The following SDK1 variants were observed in gnomAD, a reference collection of about 807,000 sequenced individuals.
The protein encoded by SDK1 is protein sidekick-1.
SDK1 carries 157 observed loss-of-function variants against 245.5 expected under a neutral mutation model. The ratio of observed to expected loss-of-function variants is 0.64; its 90% CI spans 0.56 to 0.73. SDK1 has a LOEUF of 0.73. SDK1 is among the 30% of genes least tolerant of loss of function. The pLI, the probability that SDK1 is intolerant of heterozygous loss-of-function variation, is 0.00. For synonymous variants in SDK1, 1,647 were observed against 1,278.5 expected (o/e 1.29, Z -6.15); for missense variants, 3,583 against 3,002.3 (o/e 1.19, Z -4.52).
intron 30 of SDK1, among the ~76,000 whole-genome samples, chr7:4,150,582 C>T (rs1340035724): frequency 6.6e-6 from 1 of 152,228 alleles, no homozygotes; most frequent in South Asian, 2.1e-4. Context: ...GCCTCCGTGG[C>T]GCCCAGCCAT....
intron 5 of SDK1, among the ~76,000 whole-genome samples, chr7:3,937,514 A>G (rs541577088): frequency 1.3e-5 from 2 of 152,312 alleles, no homozygotes; most frequent in East Asian, 3.9e-4. Context: ...TGTGGACATT[A>G]AAAACAAAAT....
intron 1 of SDK1, among the ~76,000 whole-genome samples, chr7:3,612,366 C>T (rs1258108219): frequency 6.6e-6 from 1 of 152,136 alleles, no homozygotes; most frequent in African/African-American, 2.4e-5. Context: ...CCCAGAAGTA[C>T]ATTTGAAAAT....
intron 4 of SDK1, among the ~76,000 whole-genome samples, chr7:3,659,445 C>T (rs568550650): frequency 3.8e-4 from 58 of 152,268 alleles, no homozygotes; most frequent in Admixed American, 3.6e-3. Context: ...AAGGAGCCAG[C>T]GACTTGAAGA....
In SDK1 at chr7:3,967,451, G is replaced by A; in HGVS notation, c.1546+17G>A. ...GGAAAAGAGGTGGGTAGCATCCACT[G>A]CCCACAACAGCATGGCCCATGTAGA... On this transcript the variant is annotated intron_variant, in intron 10 of 44. Transcript: ENST00000404826. 1 of 1,445,230 alleles carries A rather than the reference G, an allele frequency of 6.9e-7. No individual in the cohort carries two copies. Among genetic ancestry groups the A allele is most frequent in the Non-Finnish European group, 9.7e-7 (1 of 1,025,750 alleles). 89.5% of individuals were successfully genotyped at this position (1,445,230 alleles called of 1,614,324 possible).
chr7:3,928,117 G>T (rs1779841319), intron 5 of SDK1, among the ~76,000 whole-genome samples: 1 of 152,078 alleles, frequency 6.6e-6, no homozygotes, highest in Non-Finnish European at 1.5e-5. Context: ...AGCATTAATA[G>T]CAATTAATGA....
chr7:4,183,422 T>A (rs1343524208), intron 35 of SDK1, among the ~76,000 whole-genome samples: 2 of 151,770 alleles, frequency 1.3e-5, no homozygotes, highest in African/African-American at 4.8e-5. Flanking sequence ...GATCGCGAAG[T>A]CAGGAGTTCA....
At chr7:3,442,437 A>T (rs1462931797) in intron 1 of SDK1, among the ~76,000 whole-genome samples, 3 of 152,180 alleles carry the variant, frequency 2.0e-5, no homozygotes, top group African/African-American at 7.2e-5. Flanking sequence ...ACCCTTTCTG[A>T]AAGACAGTTC....
At chr7:3,830,065 C>G (rs1275812357) in intron 5 of SDK1, among the ~76,000 whole-genome samples, 1 of 152,038 alleles carries the variant, frequency 6.6e-6, no homozygotes, top group Non-Finnish European at 1.5e-5. Context: ...ATGATCTGTC[C>G]CAGTGGATTT....
chr7:4,051,744 C>T lies in SDK1; in HGVS notation c.2825C>T (p.Thr942Ile). 6.2e-7 allele frequency: 1 copy of T among 1,614,056 alleles called. No homozygotes were observed. Among genetic ancestry groups the T allele is most frequent in the South Asian group, 1.1e-5 (1 of 91,060 alleles). ...CACATAACGAACCTGAAGAAGTTTA[C>T]CGCCTACTTCACTTCCGTTCTGTGC... ...HGHITNLKKF[T>I]AYFTSVLCFT... Residue 942 changes from threonine to isoleucine, a missense_variant, in exon 19 of 45, where the codon ACC becomes ATC. Physicochemically the swap from Thr to Ile is moderately conservative, Grantham distance 89. Transcript: ENST00000404826.
intron 1 of SDK1, among the ~76,000 whole-genome samples, chr7:3,306,491 C>A (rs10951153): frequency 0.76 from 116,262 of 152,106 alleles, 44,902 homozygotes; most frequent in African/African-American, 0.87. Context: ...AGTCCTTTAA[C>A]TAAAGGAGGT....
At chr7:3,642,182 C>G in intron 4 of SDK1, 77 bp downstream of exon 4, 1 of 1,372,542 alleles carries the variant, frequency 7.3e-7, no homozygotes, top group Non-Finnish European at 1.0e-6. Flanking sequence ...AGTAAGTGTA[C>G]CAATTAAGGT....
intron 4 of SDK1, among the ~76,000 whole-genome samples, chr7:3,814,557 G>C (rs931540005): frequency 1.3e-5 from 2 of 151,680 alleles, no homozygotes; most frequent in Non-Finnish European, 1.5e-5. Context: ...GATGCCTCCA[G>C]CTTTGTTCTT....
intron 40 of SDK1, among the ~76,000 whole-genome samples, chr7:4,231,216 G>A (rs571746090): frequency 6.6e-6 from 1 of 152,270 alleles, no homozygotes; most frequent in South Asian, 2.1e-4. Flanking sequence ...TTGCCATTCT[G>A]ACATTATTAG....
At position 4,072,489 on chromosome 7, in the gene SDK1, A is replaced by G. The variant is rs574165203; in HGVS notation, c.3011-4509A>G. Among the ~76,000 whole-genome samples, 6 of 152,298 alleles carry G rather than the reference A, an allele frequency of 3.9e-5. No homozygotes were observed. In the East Asian group the frequency reaches 1.2e-3, roughly 29 times the overall value. On this transcript the variant is annotated intron_variant, in intron 20 of 44. Transcript: ENST00000404826. ...CCAGCATCACCCTGTGCCCCCAGTG[A>G]TGCCCGCATCAGGGGAGCTCCCCCC... is the stretch of plus-strand genomic sequence containing the variant.
At chr7:3,586,867 G>C (rs1344718762) in intron 1 of SDK1, among the ~76,000 whole-genome samples, 1 of 152,222 alleles carries the variant, frequency 6.6e-6, no homozygotes, top group Non-Finnish European at 1.5e-5. Context: ...CTTGAGCAGG[G>C]AGGTGACATG....
At chr7:3,796,914 A>T (rs1778974130) in intron 4 of SDK1, among the ~76,000 whole-genome samples, 1 of 152,246 alleles carries the variant, frequency 6.6e-6, no homozygotes, top group South Asian at 2.1e-4. Flanking sequence ...TGTAGCAATT[A>T]GATATATACT....
chr7:3,672,759 TTATATATA>T (rs60760676), intron 4 of SDK1, among the ~76,000 whole-genome samples: 81 of 50,754 alleles, frequency 1.6e-3, no homozygotes, highest in African/African-American at 5.8e-3. Context: ...ATATATAATT[TTATATATA>T]TATATATATA....
At position 4,150,671 on chromosome 7, in the gene SDK1, C is replaced by A. The variant is rs549780976; in HGVS notation, c.4625+1208C>A. Among the ~76,000 whole-genome samples the A allele has an allele frequency of 5.3e-5, 8 of 152,330 alleles. No homozygotes were observed. In the South Asian group the frequency reaches 1.5e-3, roughly 28 times the overall value. ...GGAGGGAGGCAGGTCCCAGGTGAAG[C>A]CCCTGGCAGCTCCTCAGAACACCAC... On this transcript the variant is annotated intron_variant, in intron 30 of 44. Coordinates refer to ENST00000404826, the MANE Select transcript of SDK1 (RefSeq NM_152744.4).
At chr7:4,068,482 G>A (rs554138834) in intron 20 of SDK1, among the ~76,000 whole-genome samples, 55 of 152,110 alleles carry the variant, frequency 3.6e-4, no homozygotes, top group African/African-American at 1.3e-3. Flanking sequence ...GCTGTGAGCC[G>A]CAAGGGTGAG....
Sources: gnomAD v4.1 joint callset for allele counts (sites outside exome capture counted in the v4.1 genomes callset) on GRCh38, gnomAD v4.1.1 for gene constraint, MANE v1.5 for transcripts, NCBI Gene and HGNC (gene_info 2026-07-23, HGNC 2026-07-21) for gene names.